Variants in RERE observed in about 807,000 individuals in gnomAD.
RERE encodes arginine-glutamic acid dipeptide repeats protein.
In RERE, 40 loss-of-function variants were observed where a neutral mutation model predicts 146.1. The observed-to-expected ratio is 0.27, with a 90% CI of 0.21 to 0.36. The LOEUF is 0.36. Among genes scored for constraint, RERE ranks in the 10% least tolerant of loss-of-function variants. RERE has a pLI of 1.00. For synonymous variants in RERE, 1,003 were observed against 866.0 expected (o/e 1.16, Z -2.78); for missense variants, 1,933 against 2,138.7 (o/e 0.90, Z 1.90).
At chr1:8,537,841 G>C (rs1645747327) in intron 7 of RERE, among the ~76,000 whole-genome samples, 3 of 151,898 alleles carry the variant, frequency 2.0e-5, no homozygotes, top group African/African-American at 7.3e-5. Context: ...ACAACATTCA[G>C]AAATATAATG....
intron 1 of RERE, among the ~76,000 whole-genome samples, chr1:8,766,546 CAAAA>C (rs60530407): frequency 3.0e-5 from 2 of 66,012 alleles, no homozygotes; most frequent in Non-Finnish European, 3.3e-5. Flanking sequence ...GACTCCATTG[CAAAA>C]AAAAAAAAAA....
chr1:8,540,284 A>G (rs1265931831), intron 7 of RERE, among the ~76,000 whole-genome samples: 1 of 151,900 alleles, frequency 6.6e-6, no homozygotes, highest in African/African-American at 2.4e-5. Context: ...TATTTTGTTG[A>G]GAGAAGAGGT....
chr1:8,655,466 A>G (rs1570571137), intron 2 of RERE, among the ~76,000 whole-genome samples: 1 of 152,310 alleles, frequency 6.6e-6, no homozygotes, highest in East Asian at 1.9e-4. Context: ...TCAGCCTCCC[A>G]AAGTGCTAGA....
intron 12 of RERE, among the ~76,000 whole-genome samples, chr1:8,392,791 A>T (rs571786984): frequency 6.6e-6 from 1 of 152,330 alleles, no homozygotes; most frequent in South Asian, 2.1e-4. Context: ...CTGGAAGATT[A>T]CCAGCCCTGG....
intron 7 of RERE, among the ~76,000 whole-genome samples, chr1:8,521,548 T>G (rs1340867987): frequency 6.6e-6 from 1 of 152,208 alleles, no homozygotes; most frequent in Admixed American, 6.5e-5. Context: ...AGCTTGAGAC[T>G]GTACATTTGA....
intron 7 of RERE, among the ~76,000 whole-genome samples, chr1:8,527,969 C>T (rs1373718598): frequency 6.6e-6 from 1 of 152,220 alleles, no homozygotes; most frequent in Non-Finnish European, 1.5e-5. Context: ...CTGTACCTCT[C>T]TGGGGAACTG....
chr1:8,568,580 C>T (rs1646179860), intron 4 of RERE, among the ~76,000 whole-genome samples: 1 of 152,228 alleles, frequency 6.6e-6, no homozygotes, highest in African/African-American at 2.4e-5. Context: ...GGTTGGCTCT[C>T]TCTTGTGAGC....
At chr1:8,498,948 C>G (rs1645091003) in intron 8 of RERE, among the ~76,000 whole-genome samples, 1 of 152,016 alleles carries the variant, frequency 6.6e-6, no homozygotes, top group African/African-American at 2.4e-5. Flanking sequence ...ATTCGCTGTA[C>G]ATAGAGTATA....
chr1:8,403,646 G>T (rs572994810), intron 12 of RERE, among the ~76,000 whole-genome samples: 5 of 151,518 alleles, frequency 3.3e-5, no homozygotes, highest in Admixed American at 6.6e-5. Context: ...GATTACGAGC[G>T]TGAGCCACAG....
intron 7 of RERE, chr1:8,526,176 C>G (rs1218243111): frequency 1.6e-6 from 1 of 619,750 alleles, no homozygotes. Flanking sequence ...CTGAGCAAGC[C>G]CAGCCATGGA....
At chr1:8,667,767 T>G (rs1312401600) in intron 1 of RERE, among the ~76,000 whole-genome samples, 5 of 152,242 alleles carry the variant, frequency 3.3e-5, no homozygotes, top group Non-Finnish European at 5.9e-5. Context: ...GCTTTTCCAA[T>G]TATATACAGT....
At chr1:8,415,538 T>C (rs1643736171) in intron 12 of RERE, among the ~76,000 whole-genome samples, 2 of 152,234 alleles carry the variant, frequency 1.3e-5, no homozygotes, top group Admixed American at 6.5e-5. Flanking sequence ...TTTTCATATG[T>C]AGGATAACGC....
At position 8,448,711 on chromosome 1, in the gene RERE, C is replaced by G. The variant is rs556599157; in HGVS notation, c.1203+17214G>C. Among the ~76,000 whole-genome samples, 11 of 152,274 alleles carry G rather than the reference C, an allele frequency of 7.2e-5. No individual in the cohort carries two copies. The East Asian group carries it at 1.7e-3, about 24-fold the overall frequency. ...GATGGCCCTGGCGCACATCTGTAATCCCAGCTACTTGGGAGGCTGAGGCAG... is the reference window on the plus strand; with the variant it reads ...GATGGCCCTGGCGCACATCTGTAATGCCAGCTACTTGGGAGGCTGAGGCAG... On this transcript the variant is annotated intron_variant, in intron 11 of 22. Coordinates refer to ENST00000400908, the MANE Select transcript of RERE (RefSeq NM_001042681.2).
intron 6 of RERE, among the ~76,000 whole-genome samples, chr1:8,555,912 T>C (rs1006908196): frequency 1.3e-5 from 2 of 152,198 alleles, no homozygotes; most frequent in African/African-American, 2.4e-5. Flanking sequence ...TGAAGCTGTA[T>C]AGTAGGAAAT....
intron 1 of RERE, among the ~76,000 whole-genome samples, chr1:8,669,877 T>G (rs1432372065): frequency 2.6e-5 from 4 of 152,206 alleles, no homozygotes; most frequent in Non-Finnish European, 4.4e-5. Flanking sequence ...GAATTTTATA[T>G]TTAACTTAAT....
chr1:8,471,365 T>A (rs1325487440), intron 10 of RERE, among the ~76,000 whole-genome samples: 1 of 152,056 alleles, frequency 6.6e-6, no homozygotes, highest in Non-Finnish European at 1.5e-5. Flanking sequence ...CACACTGGAG[T>A]GCAGTGGCAC....
chr1:8,723,124 C>A (rs940315955), intron 1 of RERE, among the ~76,000 whole-genome samples: 1 of 152,130 alleles, frequency 6.6e-6, no homozygotes, highest in Non-Finnish European at 1.5e-5. Context: ...ATCCTGAATG[C>A]CTCACAAACA....
At chr1:8,530,349 T>C (rs541809139) in intron 7 of RERE, among the ~76,000 whole-genome samples, 1 of 152,322 alleles carries the variant, frequency 6.6e-6, no homozygotes, top group African/African-American at 2.4e-5. Context: ...CTTAAATTTG[T>C]AGTGAGTAGA....
intron 4 of RERE, among the ~76,000 whole-genome samples, chr1:8,571,314 G>A (rs561952391): frequency 3.3e-5 from 5 of 152,084 alleles, no homozygotes; most frequent in African/African-American, 7.2e-5. Context: ...GCAATATTCC[G>A]CCCTCTCCTG....
Sources: allele counts gnomAD v4.1 joint callset (sites outside exome capture counted in the v4.1 genomes callset), GRCh38; gene constraint gnomAD v4.1.1; transcripts MANE v1.5; gene names NCBI Gene and HGNC (gene_info 2026-07-23, HGNC 2026-07-21).